NRXN1: variants seen among roughly 807,000 people sequenced by gnomAD.
NRXN1 encodes neurexin-1.
In NRXN1, 39 loss-of-function variants were observed where a neutral mutation model predicts 150.9. The ratio of observed to expected loss-of-function variants is 0.26; its 90% CI spans 0.20 to 0.34. The LOEUF (loss-of-function observed/expected upper bound fraction) is 0.34. Among genes scored for constraint, NRXN1 ranks in the 10% least tolerant of loss-of-function variants. The pLI is 1.00. For synonymous variants in NRXN1, 924 were observed against 757.0 expected, an observed-to-expected ratio of 1.22 and a Z score of -3.62; for missense variants, 1,815 against 1,949.9, an observed-to-expected ratio of 0.93 and a Z score of 1.30.
chr2:50,787,796 T>C (rs957903553), intron 5 of NRXN1, among the ~76,000 whole-genome samples: 1 of 151,956 alleles, frequency 6.6e-6, no homozygotes. Context: ...AGTAAGGACA[T>C]TGTGCAGCCG....
At chr2:50,031,894 C>T (rs1398712853) in intron 21 of NRXN1, among the ~76,000 whole-genome samples, 1 of 152,036 alleles carries the variant, frequency 6.6e-6, no homozygotes, top group Non-Finnish European at 1.5e-5. Flanking sequence ...CTCCTGGTCT[C>T]ACTAGTTCCT....
At chr2:50,769,229 C>T (rs956720529) in intron 5 of NRXN1, among the ~76,000 whole-genome samples, 10 of 151,992 alleles carry the variant, frequency 6.6e-5, no homozygotes, top group Non-Finnish European at 1.2e-4. Flanking sequence ...CACCTCTTTC[C>T]ACCTAGAGGG....
At chr2:50,514,863 A>G (rs762942286) in intron 12 of NRXN1, among the ~76,000 whole-genome samples, 4 of 152,232 alleles carry the variant, frequency 2.6e-5, no homozygotes, top group Non-Finnish European at 5.9e-5. Flanking sequence ...TGAGTTTTAG[A>G]TTCGATATTG....
chr2:50,001,627 GAAT>G (rs1449354170), intron 21 of NRXN1, among the ~76,000 whole-genome samples: 1 of 152,036 alleles, frequency 6.6e-6, no homozygotes, highest in East Asian at 1.9e-4. Flanking sequence ...TGTAAAATGA[GAAT>G]AATAACATTT....
intron 5 of NRXN1, among the ~76,000 whole-genome samples, chr2:50,865,370 C>G (rs1676730970): frequency 6.6e-6 from 1 of 151,714 alleles, no homozygotes; most frequent in Non-Finnish European, 1.5e-5. Flanking sequence ...CTGGAGATTC[C>G]TAAAATTAGT....
At chr2:50,957,021 T>A (rs1384575985) in intron 2 of NRXN1, among the ~76,000 whole-genome samples, 1 of 152,144 alleles carries the variant, frequency 6.6e-6, no homozygotes, top group African/African-American at 2.4e-5. Flanking sequence ...CCATGAAAGA[T>A]GGAATTGGGA....
At chr2:50,497,111 G>T (rs771992396) in intron 14 of NRXN1, among the ~76,000 whole-genome samples, 4 of 152,070 alleles carry the variant, frequency 2.6e-5, no homozygotes, top group Non-Finnish European at 4.4e-5. Context: ...AATGTAATTT[G>T]TATCTCATAT....
chr2:50,063,499 C>G (rs577593566), intron 19 of NRXN1, among the ~76,000 whole-genome samples: 1 of 144,274 alleles, frequency 6.9e-6, no homozygotes, highest in Non-Finnish European at 1.5e-5. Context: ...CTTTGCATTG[C>G]GAATTTCTTG....
chr2:50,453,667 A>G (rs1391189150), intron 17 of NRXN1, among the ~76,000 whole-genome samples: 2 of 152,174 alleles, frequency 1.3e-5, no homozygotes, highest in East Asian at 3.9e-4. Flanking sequence ...AAAATCACCA[A>G]GAACATTTTC....
At chr2:50,768,957 T>G (rs2105435598) in intron 5 of NRXN1, among the ~76,000 whole-genome samples, 1 of 151,526 alleles carries the variant, frequency 6.6e-6, no homozygotes, top group South Asian at 2.1e-4. Context: ...CACTCTGAAC[T>G]TGAAAACGAA....
chr2:50,978,546 A>C (rs1200987255), intron 2 of NRXN1, among the ~76,000 whole-genome samples: 1 of 151,694 alleles, frequency 6.6e-6, no homozygotes, highest in African/African-American at 2.4e-5. Context: ...ACTGTAAACA[A>C]AATGTTGGAA....
At position 50,472,447 on chromosome 2, in the gene NRXN1, G is replaced by A; in HGVS notation, c.3095C>T (p.Ala1032Val). Residue 1032 changes from alanine (A) to valine (V), a missense_variant, in exon 16 of 23, where the codon GCT (alanine) becomes GTT (valine). This residue lies in a region of NRXN1 where 339 missense variants were observed against 440.3 expected (regional missense o/e 0.77). Coordinates refer to ENST00000401669, the MANE Select transcript of NRXN1 (RefSeq NM_001330078.2). Reference protein sequence around the residue: ...LKSDLYIGGVAKETYKSLPKL... With the variant: ...LKSDLYIGGVVKETYKSLPKL... ...TGGTAAGGATTTGTATGTTTCTTTA[G>A]CTACTCCTCCTATATATAAGTCACC... is the stretch of plus-strand genomic sequence containing the variant. 1 of 1,611,900 alleles carries A rather than the reference G, an allele frequency of 6.2e-7. No homozygotes were observed.
At chr2:50,222,753 C>G (rs1457967761) in intron 18 of NRXN1, among the ~76,000 whole-genome samples, 1 of 151,626 alleles carries the variant, frequency 6.6e-6, no homozygotes, top group Non-Finnish European at 1.5e-5. Flanking sequence ...ACTCAAGTTG[C>G]AGAATAGTAT....
intron 17 of NRXN1, among the ~76,000 whole-genome samples, chr2:50,320,317 TATATATATATAG>T (rs1257912796): frequency 7.6e-6 from 1 of 131,254 alleles, no homozygotes; most frequent in African/African-American, 2.9e-5. Context: ...TATATATATA[TATATATATATAG>T]TATATGATTA....
chr2:50,008,203 G>C (rs1685084178), intron 21 of NRXN1, among the ~76,000 whole-genome samples: 1 of 152,104 alleles, frequency 6.6e-6, no homozygotes, highest in Admixed American at 6.6e-5. Context: ...GGTTTTCCAA[G>C]TGACTTGGGA....
At chr2:49,960,679 A>G (rs1675775245) in intron 21 of NRXN1, among the ~76,000 whole-genome samples, 2 of 152,202 alleles carry the variant, frequency 1.3e-5, no homozygotes, top group African/African-American at 4.8e-5. Context: ...CAATCCAGTC[A>G]TTAAATTAAC....
chr2:50,262,290 T>C (rs925669347), intron 17 of NRXN1, among the ~76,000 whole-genome samples: 2 of 151,848 alleles, frequency 1.3e-5, no homozygotes, highest in African/African-American at 2.4e-5. Context: ...GAATAGTGTA[T>C]GGGATAAGCA....
Position 50,014,858 on chromosome 2 carries a change from G to C in NRXN1, c.4128+38413C>G, listed in dbSNP as rs189226042. Among the ~76,000 whole-genome samples the C allele has an allele frequency of 2.6e-5, 4 of 152,240 alleles. No homozygotes were observed. The East Asian group carries it at 5.8e-4, about 22-fold the overall frequency. On this transcript the variant is annotated intron_variant, in intron 21 of 22. Coordinates refer to ENST00000401669, the MANE Select transcript of NRXN1 (RefSeq NM_001330078.2). ...ACAAAAAAAGAAATAGCCCAGTGTA[G>C]TAAGTCTCGTTTGAACTGATATATG...
intron 2 of NRXN1, among the ~76,000 whole-genome samples, chr2:50,928,574 C>T (rs1330197960): frequency 3.3e-5 from 5 of 151,732 alleles, no homozygotes; most frequent in Admixed American, 6.6e-5. Context: ...TAATAAATGT[C>T]GAGTCAAAAA....
Sources: allele counts gnomAD v4.1 joint callset (sites outside exome capture counted in the v4.1 genomes callset), GRCh38; gene constraint gnomAD v4.1.1; regional missense constraint gnomAD v4.1.1; transcripts MANE v1.5; gene names NCBI Gene and HGNC (gene_info 2026-07-23, HGNC 2026-07-21).